Variants in BCL2L14 observed in about 807,000 individuals in gnomAD.
BCL2L14 encodes the protein BCL2 like 14, also known as apoptosis facilitator Bcl-2-like protein 14.
A neutral mutation model predicts 35.3 loss-of-function variants in BCL2L14; 27 were observed. The ratio of observed to expected loss-of-function variants is 0.76; its 90% CI spans 0.56 to 1.05. The LOEUF is 1.05. BCL2L14 is among the 50% of genes least tolerant of loss of function. The pLI, the probability that BCL2L14 is intolerant of heterozygous loss-of-function variation, is 0.00. For missense variants in BCL2L14, 377 were observed against 382.6 expected (o/e 0.99, Z 0.12); for synonymous variants, 139 against 145.9 (o/e 0.95, Z 0.34).
intron 1 of BCL2L14, among the ~76,000 whole-genome samples, chr12:12,076,086 T>G (rs984805328): frequency 6.1e-5 from 9 of 147,130 alleles, no homozygotes; most frequent in Admixed American, 5.5e-4. Flanking sequence ...AGGGCTGTGC[T>G]GCAGGATGGA....
chr12:12,078,858 G>A (rs534479612), intron 1 of BCL2L14, among the ~76,000 whole-genome samples: 114 of 152,190 alleles, frequency 7.5e-4, no homozygotes, highest in African/African-American at 2.4e-3. Flanking sequence ...GTGCAGTGGC[G>A]CAATCTCAGC....
intron 4 of BCL2L14, among the ~76,000 whole-genome samples, chr12:12,092,351 C>G (rs1483422378): frequency 2.0e-5 from 3 of 152,206 alleles, no homozygotes; most frequent in African/African-American, 7.2e-5. Flanking sequence ...TATGGCAAAG[C>G]CTTGGTTGTT....
At chr12:12,074,979 ACACT>A (rs1176752036) in intron 1 of BCL2L14, among the ~76,000 whole-genome samples, 1 of 66,838 alleles carries the variant, frequency 1.5e-5, no homozygotes, top group African/African-American at 7.1e-5. Context: ...TCTAAAACAT[ACACT>A]GTACTGTGTT....
At chr12:12,083,803 C>T (rs1948980096) in intron 2 of BCL2L14, among the ~76,000 whole-genome samples, 1 of 152,074 alleles carries the variant, frequency 6.6e-6, no homozygotes, top group Non-Finnish European at 1.5e-5. Flanking sequence ...CAAAAATTAG[C>T]CAGGCGCCAT....
chr12:12,097,182 T>C (rs1284119555), intron 5 of BCL2L14, among the ~76,000 whole-genome samples: 1 of 152,064 alleles, frequency 6.6e-6, no homozygotes, highest in East Asian at 1.9e-4. Context: ...AAGTTACCAG[T>C]TCCACTCCTG....
intron 2 of BCL2L14, among the ~76,000 whole-genome samples, chr12:12,056,267 A>C (rs1442557772): frequency 1.3e-5 from 2 of 152,176 alleles, no homozygotes; most frequent in African/African-American, 4.8e-5. Flanking sequence ...CCCTTTTAAC[A>C]AGGGTCAAGA....
upstream of BCL2L14, among the ~76,000 whole-genome samples, chr12:12,069,889 A>G (rs1334708512): frequency 6.6e-6 from 1 of 152,044 alleles, no homozygotes; most frequent in African/African-American, 2.4e-5. Flanking sequence ...TCTCTTGTGG[A>G]TCTGTTTGCC....
chr12:12,093,998 T>C (rs1457071943), intron 4 of BCL2L14, among the ~76,000 whole-genome samples: 1 of 151,010 alleles, frequency 6.6e-6, no homozygotes, highest in African/African-American at 2.4e-5. Context: ...TCCCATCTAC[T>C]TGGGAGGCTG....
intron 2 of BCL2L14, among the ~76,000 whole-genome samples, chr12:12,062,323 A>C (rs1948538258): frequency 1.4e-5 from 2 of 141,012 alleles, no homozygotes; most frequent in Admixed American, 1.4e-4. Context: ...ATTTCCCCAT[A>C]TTTCCTTCTT....
At chr12:12,078,059 T>A (rs1948821547) in intron 1 of BCL2L14, 1 of 372,872 alleles carries the variant, frequency 2.7e-6, no homozygotes, top group African/African-American at 2.1e-5. Flanking sequence ...AAGAAATGCT[T>A]GCATCCTGTT....
chr12:12,079,022 C>A (rs879487942), intron 1 of BCL2L14, among the ~76,000 whole-genome samples: 1 of 152,178 alleles, frequency 6.6e-6, no homozygotes, highest in Non-Finnish European at 1.5e-5. Context: ...GTCTTGAACT[C>A]CTGACCTCAT....
upstream of BCL2L14, among the ~76,000 whole-genome samples, chr12:12,070,676 C>CAA (rs144776752): frequency 1.5e-5 from 2 of 129,702 alleles, no homozygotes; most frequent in Non-Finnish European, 3.3e-5. Context: ...AACTCTGTCT[C>CAA]AAAAAAAAAA....
At chr12:12,060,886 CG>C (rs1565443102) in intron 2 of BCL2L14, among the ~76,000 whole-genome samples, 4 of 78,498 alleles carry the variant, frequency 5.1e-5, no homozygotes, top group East Asian at 5.4e-4. Context: ...TCGGAAGTCC[CG>C]TAGACCATCA....
intron 5 of BCL2L14, 140 bp downstream of exon 5, chr12:12,095,070 A>T (rs1229341453): frequency 2.0e-5 from 29 of 1,446,788 alleles, no homozygotes; most frequent in Non-Finnish European, 2.5e-5. Context: ...CCAGAGATAG[A>T]TCCCATTGAT....
intron 2 of BCL2L14, among the ~76,000 whole-genome samples, chr12:12,064,135 CCACCACGT>C (rs767200265): frequency 1.3e-5 from 2 of 152,010 alleles, no homozygotes; most frequent in African/African-American, 2.4e-5. Context: ...CAGGCATGAG[CCACCACGT>C]GTGGCCTGTT....
rs887695486 is a variant in BCL2L14, at chr12:12,086,927, T to C, written c.434-286T>C. On this transcript the variant is annotated intron_variant, in intron 2 of 5. Transcript: ENST00000308721. ...AGCACTCCTTTTTGTGTCTCTTCCCTTGCAAAGGGGAAAGGAGACCCTAAT... is the reference window on the plus strand; with the variant it reads ...AGCACTCCTTTTTGTGTCTCTTCCCCTGCAAAGGGGAAAGGAGACCCTAAT... Among the ~76,000 whole-genome samples the C allele has an allele frequency of 3.9e-5, 6 of 152,320 alleles. No individual in the cohort carries two copies. In the East Asian group the frequency reaches 7.7e-4, roughly 20 times the overall value.
At chr12:12,065,535 C>CAA (rs138173926) in intron 2 of BCL2L14, among the ~76,000 whole-genome samples, 27 of 126,760 alleles carry the variant, frequency 2.1e-4, no homozygotes, top group African/African-American at 3.2e-4. Context: ...GACTCCATCT[C>CAA]AAAAAAAAAA....
At chr12:12,068,180 G>A, upstream of BCL2L14, 3 of 398,588 alleles carry the variant, frequency 7.5e-6, no homozygotes, top group Non-Finnish European at 1.3e-5. Context: ...CCAGGACACA[G>A]TCTGTCCTCC....
At chr12:12,083,290 C>T (rs1172530788) in intron 2 of BCL2L14, among the ~76,000 whole-genome samples, 1 of 152,110 alleles carries the variant, frequency 6.6e-6, no homozygotes, top group African/African-American at 2.4e-5. Flanking sequence ...AACTGTAAGT[C>T]ACTATGTAGC....
Sources: allele counts gnomAD v4.1 joint callset (sites outside exome capture counted in the v4.1 genomes callset), GRCh38; gene constraint gnomAD v4.1.1; transcripts MANE v1.5; gene names NCBI Gene and HGNC (gene_info 2026-07-23, HGNC 2026-07-21).